CDK13: variants seen among roughly 807,000 people sequenced by gnomAD.
CDK13 encodes the protein cyclin dependent kinase 13.
A neutral mutation model predicts 137.6 loss-of-function variants in CDK13; 40 were observed. The ratio of observed to expected loss-of-function variants is 0.29; its 90% CI spans 0.23 to 0.38. CDK13 has a LOEUF of 0.38. Ranked by LOEUF, CDK13 falls within the 10% of genes least tolerant of loss-of-function variation. The pLI is 1.00. For missense variants in CDK13, 1,704 were observed against 1,951.8 expected, an observed-to-expected ratio of 0.87 and a Z score of 2.39; for synonymous variants, 869 against 760.1, an observed-to-expected ratio of 1.14 and a Z score of -2.36.
At chr7:39,961,807 C>A (rs1783742752) in intron 1 of CDK13, among the ~76,000 whole-genome samples, 1 of 151,930 alleles carries the variant, frequency 6.6e-6, no homozygotes. Context: ...CCACAACAGT[C>A]CCCAGAGTGT....
chr7:39,986,415 C>T (rs1441888388), intron 1 of CDK13: 1 of 152,112 alleles, frequency 6.6e-6, no homozygotes, highest in Non-Finnish European at 1.5e-5. Context: ...TCATTATTAT[C>T]AAGTAGTTTC....
chr7:40,037,320 G>A (rs754192254), intron 5 of CDK13, among the ~76,000 whole-genome samples: 4 of 152,262 alleles, frequency 2.6e-5, no homozygotes, highest in South Asian at 2.1e-4. Flanking sequence ...TAGGGTTGTC[G>A]TTAGAAGGCT....
intron 5 of CDK13, among the ~76,000 whole-genome samples, chr7:40,043,030 G>C (rs1023095776): frequency 4.6e-5 from 7 of 152,128 alleles, no homozygotes; most frequent in African/African-American, 1.4e-4. Flanking sequence ...CTCTCGCCCC[G>C]ATCTCCCAAA....
At chr7:40,055,096 C>T (rs1163926707) in intron 7 of CDK13, among the ~76,000 whole-genome samples, 5 of 151,334 alleles carry the variant, frequency 3.3e-5, no homozygotes, top group Admixed American at 2.6e-4. Flanking sequence ...AGTTTCTTGC[C>T]ATCCAATAAC....
chr7:39,991,583 T>C (rs958330853), intron 2 of CDK13, among the ~76,000 whole-genome samples: 2 of 152,044 alleles, frequency 1.3e-5, no homozygotes, highest in African/African-American at 2.4e-5. Context: ...TGTTTTATTA[T>C]ATGTCCAAGT....
intron 9 of CDK13, among the ~76,000 whole-genome samples, chr7:40,075,416 A>G (rs994450377): frequency 6.6e-6 from 1 of 152,084 alleles, no homozygotes; most frequent in African/African-American, 2.4e-5. Context: ...CGGTACTCAG[A>G]TATCTTTCAA....
intron 5 of CDK13, among the ~76,000 whole-genome samples, chr7:40,043,229 T>C (rs1414104600): frequency 6.6e-6 from 1 of 152,240 alleles, no homozygotes; most frequent in Admixed American, 6.5e-5. Flanking sequence ...GTCAAAACAC[T>C]ATTTTATCTA....
rs1302038807 is a variant in CDK13 at position 39,950,773 on chromosome 7, G to A, written c.132G>A (p.Leu44=). 4 of 1,474,962 alleles carry A rather than the reference G, an allele frequency of 2.7e-6. No individual in the cohort carries two copies. The highest frequency in any genetic ancestry group is 1.3e-5 in the South Asian group (1 of 77,460). The allele number at this position is 1,474,962 out of a possible 1,614,324, so 91.4% of individuals were successfully genotyped here. ...AGCCGCCGCTGCTGTTGCCGCTCCT[G>A]CAGCCGCAGCTCCTGCAACCGCCGC... is the stretch of plus-strand genomic sequence containing the variant. ...PQQPPLLLPL[L]QPQLLQPPPP... is the part of the protein sequence containing the mutation. Residue 44 remains leucine, a synonymous_variant, in exon 1 of 14, where the codon CTG becomes CTA. Coordinates refer to ENST00000181839, the MANE Select transcript of CDK13 (RefSeq NM_003718.5).
intron 2 of CDK13, among the ~76,000 whole-genome samples, chr7:39,993,358 T>G (rs1784503583): frequency 1.3e-5 from 2 of 152,222 alleles, no homozygotes; most frequent in South Asian, 4.1e-4. Context: ...ACCCTCACAT[T>G]GTCCGAAATT....
intron 5 of CDK13, among the ~76,000 whole-genome samples, chr7:40,039,983 A>G: frequency 6.6e-6 from 1 of 152,122 alleles, no homozygotes; most frequent in Non-Finnish European, 1.5e-5. Flanking sequence ...AGTTCTTTAA[A>G]AAAATTTAGA....
At chr7:39,992,666 T>C (rs1784487609) in intron 2 of CDK13, among the ~76,000 whole-genome samples, 1 of 150,964 alleles carries the variant, frequency 6.6e-6, no homozygotes, top group Non-Finnish European at 1.5e-5. Context: ...TAATCAGTAC[T>C]CCCCCCCTAC....
chr7:40,048,647 ATAATT>A (rs1485918378), intron 7 of CDK13: 1 of 147,178 alleles, frequency 6.8e-6, no homozygotes, highest in African/African-American at 2.7e-5. Context: ...TAATATCACC[ATAATT>A]TAATATAATG....
Position 40,047,842 on chromosome 7 carries a change from C to T in CDK13, c.2565C>T (p.Asp855=), listed in dbSNP as rs1339994191. 3.1e-6 allele frequency: 5 copies of T among 1,610,710 alleles called. No homozygotes were observed. In the African/African-American group the frequency reaches 5.4e-5, roughly 17 times the overall value. ...LNNRGQIKLA[D]FGLARLYSSE... ...CCAGAGGGCAGATAAAACTTGCAGA[C>T]TTTGGACTTGCTCGATTGTATAGCT... The change falls in exon 7 of 14, where the codon GAC becomes GAT. Residue 855 remains aspartate, a synonymous_variant. Transcript: ENST00000181839.
At chr7:40,051,022 T>C (rs1472969869) in intron 7 of CDK13, among the ~76,000 whole-genome samples, 4 of 152,164 alleles carry the variant, frequency 2.6e-5, no homozygotes, top group African/African-American at 4.8e-5. Flanking sequence ...TTGGGTTCCA[T>C]TGGAGTGCCG....
chr7:40,098,476 T>C lies in CDK13; in HGVS notation c.*3496T>C, dbSNP rs912720079. The C allele has an allele frequency of 1.3e-5, 2 of 151,918 alleles. No homozygotes were observed. The highest frequency in any genetic ancestry group is 2.4e-5 in the African/African-American group (1 of 41,410). The allele number at this position is 151,918 out of a possible 1,614,324, so 9.4% of individuals were successfully genotyped here. On this transcript the variant is annotated 3_prime_UTR_variant, in exon 14 of 14. Transcript: ENST00000181839. Reference sequence around the variant, plus strand: ...AGGTAAAAAAAACAAAGCTGAAATATATGTTTTGAATATAGATAGCTAATT... The same window carrying C: ...AGGTAAAAAAAACAAAGCTGAAATACATGTTTTGAATATAGATAGCTAATT...
chr7:40,018,062 C>T (rs1449872820), intron 5 of CDK13, among the ~76,000 whole-genome samples: 6 of 151,612 alleles, frequency 4.0e-5, no homozygotes, highest in African/African-American at 1.2e-4. Context: ...TAAAGATCGC[C>T]TTCTCTTTCC....
At chr7:39,974,724 T>G (rs1784070725) in intron 1 of CDK13, among the ~76,000 whole-genome samples, 1 of 152,002 alleles carries the variant, frequency 6.6e-6, no homozygotes, top group South Asian at 2.1e-4. Flanking sequence ...CCACCATGGC[T>G]GGCTAATTTT....
intron 1 of CDK13, among the ~76,000 whole-genome samples, chr7:39,963,191 T>C (rs997646059): frequency 6.6e-6 from 1 of 152,210 alleles, no homozygotes; most frequent in Non-Finnish European, 1.5e-5. Flanking sequence ...GGGGATGGCA[T>C]TGAATCTATA....
rs1043201498 is a variant in CDK13, at chr7:40,096,994, A to G, written c.*2014A>G. ...GAGTCTTAGAGCTTTAGACTTTCCT[A>G]TAAGTGACAGTATCTAAGTTATTCT... is the stretch of plus-strand genomic sequence containing the variant. On this transcript the variant is annotated 3_prime_UTR_variant, in exon 14 of 14. Transcript: ENST00000181839. 2.6e-5 allele frequency: 4 copies of G among 152,152 alleles called. No individual in the cohort carries two copies. The highest frequency in any genetic ancestry group is 5.9e-5 in the Non-Finnish European group (4 of 67,972). 9.4% of individuals were successfully genotyped at this position (152,152 alleles called of 1,614,324 possible). A position where few individuals can be genotyped will look rare whatever the true frequency, so the allele number is the denominator to read the frequency against.
Sources: gnomAD v4.1 joint callset for allele counts (sites outside exome capture counted in the v4.1 genomes callset) on GRCh38, gnomAD v4.1.1 for gene constraint, MANE v1.5 for transcripts, NCBI Gene and HGNC (gene_info 2026-07-23, HGNC 2026-07-21) for gene names.